The following ZNF236 variants were observed in gnomAD, a reference collection of about 807,000 sequenced individuals.
The protein encoded by ZNF236 is regulated by glucose.
ZNF236 carries 50 observed loss-of-function variants against 191.2 expected under a neutral mutation model. The ratio of observed to expected loss-of-function variants is 0.26; its 90% CI spans 0.21 to 0.33. The LOEUF (loss-of-function observed/expected upper bound fraction) is 0.33. ZNF236 is among the 10% of genes least tolerant of loss of function. ZNF236 has a pLI of 1.00. For missense variants in ZNF236, 1,754 were observed against 2,374.5 expected, an observed-to-expected ratio of 0.74 and a Z score of 5.43; for synonymous variants, 907 against 928.8, an observed-to-expected ratio of 0.98 and a Z score of 0.43.
intron 1 of ZNF236, among the ~76,000 whole-genome samples, chr18:76,822,890 T>A (rs1974896706): frequency 1.4e-5 from 2 of 146,800 alleles, no homozygotes; most frequent in African/African-American, 4.9e-5. Flanking sequence ...CCTACTTTCC[T>A]GGGCCGGGCG....
At chr18:76,900,042 C>T (rs1349102737) in intron 11 of ZNF236, among the ~76,000 whole-genome samples, 2 of 152,192 alleles carry the variant, frequency 1.3e-5, no homozygotes, top group African/African-American at 4.8e-5. Flanking sequence ...GACCACATCA[C>T]TTACTAATGT....
At chr18:76,867,412 TTTTC>T (rs1461137597) in intron 3 of ZNF236, among the ~76,000 whole-genome samples, 4 of 152,152 alleles carry the variant, frequency 2.6e-5, no homozygotes, top group East Asian at 1.9e-4. Flanking sequence ...AACATTTCAC[TTTTC>T]TTTGTCTTTT....
intron 12 of ZNF236, 67 bp from the exon 13 acceptor site, chr18:76,905,088 A>G: frequency 6.9e-7 from 1 of 1,456,966 alleles, no homozygotes; most frequent in Non-Finnish European, 9.3e-7. Flanking sequence ...GCAAGAGTGC[A>G]TTCTAGTCAC....
intron 30 of ZNF236, among the ~76,000 whole-genome samples, chr18:76,966,589 CA>C (rs2122982791): frequency 6.6e-6 from 1 of 152,260 alleles, no homozygotes; most frequent in Non-Finnish European, 1.5e-5. Flanking sequence ...TTTCCTGCAG[CA>C]TGCAGTTCAG....
At chr18:76,955,766 T>C (rs1968508288) in intron 27 of ZNF236, among the ~76,000 whole-genome samples, 1 of 152,206 alleles carries the variant, frequency 6.6e-6, no homozygotes, top group Admixed American at 6.5e-5. Context: ...CCTTAGCTGC[T>C]GTTGTGTGGT....
At chr18:76,826,337 T>C (rs1341940260) in intron 1 of ZNF236, among the ~76,000 whole-genome samples, 2 of 146,870 alleles carry the variant, frequency 1.4e-5, no homozygotes, top group African/African-American at 5.0e-5. Context: ...TTGATCAGGC[T>C]GGTCTCGAAC....
chr18:76,935,677 G>A lies in ZNF236; in HGVS notation c.4595-1479G>A, dbSNP rs111591234. Reference sequence around the variant, plus strand: ...GCTCATTGGCAGCTGCCACCTGCCCGCCCGCCCCAGTCTCTATGGTTTTGA... The same window carrying A: ...GCTCATTGGCAGCTGCCACCTGCCCACCCGCCCCAGTCTCTATGGTTTTGA... On this transcript the variant is annotated intron_variant, in intron 25 of 30. Transcript: ENST00000320610. Among the ~76,000 whole-genome samples, 7 of 152,212 alleles carry A rather than the reference G, an allele frequency of 4.6e-5. 2 individuals are homozygous for A. Among genetic ancestry groups the A allele is most frequent in the African/African-American group, 1.7e-4 (7 of 41,468 alleles).
At chr18:76,825,063 C>T (rs779985916) in intron 1 of ZNF236, among the ~76,000 whole-genome samples, 1 of 152,234 alleles carries the variant, frequency 6.6e-6, no homozygotes, top group Non-Finnish European at 1.5e-5. Context: ...CCTTGTCTGA[C>T]TCTTCTCTCT....
intron 1 of ZNF236, among the ~76,000 whole-genome samples, chr18:76,824,629 G>A (rs1974964612): frequency 6.6e-6 from 1 of 152,214 alleles, no homozygotes; most frequent in Non-Finnish European, 1.5e-5. Flanking sequence ...GAGAAAGAAT[G>A]TAAAATTTCC....
chr18:76,905,250 G>A lies in ZNF236; in HGVS notation c.2132G>A (p.Gly711Glu). 1.2e-6 allele frequency: 2 copies of A among 1,614,190 alleles called. No individual in the cohort carries two copies. The highest frequency in any genetic ancestry group is 1.7e-6 in the Non-Finnish European group (2 of 1,180,030). ...AAAGCACACATCAGAACACACACAGGACTGAAATCTTTCAAGTGTCTGATA... is the reference window on the plus strand; with the variant it reads ...AAAGCACACATCAGAACACACACAGAACTGAAATCTTTCAAGTGTCTGATA... ...VLKAHIRTHT[G>E]LKSFKCLICN... The change falls in exon 13 of 31, where the codon GGA (glycine) becomes GAA (glutamate). Residue 711 changes from glycine to glutamate, a missense_variant. Physicochemically the swap from Gly to Glu is moderately conservative, Grantham distance 98. Coordinates refer to ENST00000320610, the MANE Select transcript of ZNF236 (RefSeq NM_001306089.2).
At chr18:76,850,431 T>A (rs1019899359) in intron 2 of ZNF236, among the ~76,000 whole-genome samples, 6 of 152,208 alleles carry the variant, frequency 3.9e-5, no homozygotes, top group Non-Finnish European at 8.8e-5. Context: ...GGTTCGACAA[T>A]CTGAAGATAC....
chr18:76,912,400 G>T, intron 17 of ZNF236, 53 bp downstream of exon 17: 1 of 1,382,262 alleles, frequency 7.2e-7, no homozygotes, highest in Non-Finnish European at 1.0e-6. Context: ...AGGAACGGAT[G>T]CTGCTGTGTG....
intron 1 of ZNF236, 141 bp downstream of exon 1, chr18:76,822,803 C>A (rs1200522574): frequency 1.4e-5 from 2 of 145,744 alleles, no homozygotes; most frequent in East Asian, 2.0e-4. Context: ...CCGCCGCCGC[C>A]GCCGACTGGC....
chr18:76,838,140 C>G (rs1010763938), intron 1 of ZNF236, among the ~76,000 whole-genome samples: 6 of 152,146 alleles, frequency 3.9e-5, no homozygotes, highest in African/African-American at 1.4e-4. Context: ...AGAGAACATT[C>G]AGTGGAGGGG....
At position 76,971,414 on chromosome 18, in the gene ZNF236, C is replaced by T. The variant is rs1968907020; in HGVS notation, c.*3075C>T. Among the ~76,000 whole-genome samples, 1 of 152,216 alleles carries T rather than the reference C, an allele frequency of 6.6e-6. No homozygotes were observed. Among genetic ancestry groups the T allele is most frequent in the Non-Finnish European group, 1.5e-5 (1 of 68,044 alleles). ...AGTGGGAGGCTCATCAAATGCCACT[C>T]TCCTCTTCCTGACAGTGTTCTGCTG... On this transcript the variant is annotated 3_prime_UTR_variant, in exon 31 of 31. Transcript: ENST00000320610.
intron 9 of ZNF236, among the ~76,000 whole-genome samples, chr18:76,894,226 T>G (rs1484362946): frequency 2.0e-5 from 3 of 152,254 alleles, no homozygotes; most frequent in African/African-American, 7.2e-5. Context: ...AAACAATTCA[T>G]AAGCTGTAAA....
At chr18:76,824,035 C>T (rs1475951976) in intron 1 of ZNF236, 3 of 376,162 alleles carry the variant, frequency 8.0e-6, no homozygotes, top group East Asian at 4.8e-5. Flanking sequence ...CCTTGACTGC[C>T]GTTGATTTTT....
chr18:76,898,326 A>G (rs1487928977), intron 10 of ZNF236, among the ~76,000 whole-genome samples: 1 of 152,246 alleles, frequency 6.6e-6, no homozygotes, highest in African/African-American at 2.4e-5. Context: ...TCACCCTGCA[A>G]AGAAACCCTG....
In ZNF236 at chr18:76,915,743, A is replaced by T. The variant is rs757892171; in HGVS notation, c.3158A>T (p.Tyr1053Phe). Residue 1053 changes from tyrosine to phenylalanine, a missense_variant, in exon 19 of 31, where the codon TAT becomes TTT. Transcript: ENST00000320610. ...HMATHMSMKP[Y>F]KCPFCEEGFR... ...GCCACACATATGAGCATGAAGCCTT[A>T]TAAGTGTCCGTTTTGTGAGGAGGGT... The T allele has an allele frequency of 3.1e-6, 5 of 1,614,050 alleles. No homozygotes were observed. The highest frequency in any genetic ancestry group is 1.3e-5 in the African/African-American group (1 of 74,910).
Sources: gnomAD v4.1 joint callset for allele counts (sites outside exome capture counted in the v4.1 genomes callset) on GRCh38, gnomAD v4.1.1 for gene constraint, MANE v1.5 for transcripts, NCBI Gene and HGNC (gene_info 2026-07-23, HGNC 2026-07-21) for gene names.